The following DENND4C variants were observed in gnomAD, a reference collection of about 807,000 sequenced individuals.
The protein encoded by DENND4C is DENN domain containing 4C, also known as DENN domain-containing protein 4C.
In DENND4C, 108 loss-of-function variants were observed where a neutral mutation model predicts 203.0. The observed-to-expected ratio is 0.53, with a 90% CI of 0.46 to 0.62. The LOEUF (loss-of-function observed/expected upper bound fraction) is 0.62, where lower values mean the gene tolerates loss of function less well. Ranked by LOEUF, DENND4C falls within the 20% of genes least tolerant of loss-of-function variation. The pLI, the probability that DENND4C is intolerant of heterozygous loss-of-function variation, is 0.00. For synonymous variants in DENND4C, 871 were observed against 792.4 expected (o/e 1.10, Z -1.67); for missense variants, 2,481 against 2,301.2 (o/e 1.08, Z -1.60).
At chr9:19,315,499 ATATATACATGTATG>A (rs1041134639) in intron 10 of DENND4C, among the ~76,000 whole-genome samples, 5 of 150,972 alleles carry the variant, frequency 3.3e-5, no homozygotes, top group African/African-American at 1.2e-4. Flanking sequence ...GAATATATAT[ATATATACATGTATG>A]TATATACATG....
intron 1 of DENND4C, among the ~76,000 whole-genome samples, chr9:19,255,260 C>G (rs987105641): frequency 2.0e-5 from 3 of 152,000 alleles, no homozygotes; most frequent in African/African-American, 7.2e-5. Context: ...AAAAAATTAG[C>G]TGGATATGGT....
intron 1 of DENND4C, among the ~76,000 whole-genome samples, chr9:19,251,686 C>G (rs1282437879): frequency 2.0e-5 from 3 of 152,174 alleles, no homozygotes; most frequent in Admixed American, 6.5e-5. Flanking sequence ...CTGCCAGATA[C>G]CCTAAATCAT....
chr9:19,371,900 T>C, intron 32 of DENND4C, 80 bp downstream of exon 32: 1 of 1,299,494 alleles, frequency 7.7e-7, no homozygotes, highest in Admixed American at 2.3e-5. Flanking sequence ...GTAGCTGGTA[T>C]GTATAAAAGA....
At position 19,360,388 on chromosome 9, in the gene DENND4C, A is replaced by G. The variant is rs769615203; in HGVS notation, c.5305A>G (p.Ile1769Val). 2.2e-5 allele frequency: 36 copies of G among 1,613,996 alleles called. No homozygotes were observed. Among genetic ancestry groups the G allele is most frequent in the East Asian group, 6.7e-5 (3 of 44,880 alleles). Residue 1769 changes from isoleucine (I) to valine (V), a missense_variant, in exon 29 of 33, where the codon ATC becomes GTC. By Grantham distance (29) the Ile-to-Val change is conservative (BLOSUM62 3). Coordinates refer to ENST00000434457, the MANE Select transcript of DENND4C (RefSeq NM_001330640.2). ...ATCTTCTTTCATCAATCAACATCCAATCATTTTCTGGAACCTCGTTTGGTA... is the reference window on the plus strand; with the variant it reads ...ATCTTCTTTCATCAATCAACATCCAGTCATTTTCTGGAACCTCGTTTGGTA... Reference protein sequence around the residue: ...HTSSFINQHPIIFWNLVWYFR... With the variant: ...HTSSFINQHPVIFWNLVWYFR...
At chr9:19,308,968 G>C (rs1840229932) in intron 10 of DENND4C, among the ~76,000 whole-genome samples, 1 of 152,144 alleles carries the variant, frequency 6.6e-6, no homozygotes. Flanking sequence ...AAAACATTAT[G>C]TTAAAAGACC....
intron 1 of DENND4C, among the ~76,000 whole-genome samples, chr9:19,245,109 T>C (rs1356446701): frequency 1.3e-5 from 2 of 152,196 alleles, no homozygotes; most frequent in Admixed American, 1.3e-4. Flanking sequence ...ATGGGCAGCT[T>C]AAAAAATATT....
At chr9:19,342,849 ACAT>A in intron 22 of DENND4C, 70 bp downstream of exon 22, 1 of 1,262,984 alleles carries the variant, frequency 7.9e-7, no homozygotes, top group Non-Finnish European at 1.0e-6. Flanking sequence ...GTCTTTAATG[ACAT>A]TAAATTTTTG....
intron 2 of DENND4C, among the ~76,000 whole-genome samples, chr9:19,277,218 T>C (rs952927782): frequency 1.6e-4 from 24 of 152,320 alleles, no homozygotes; most frequent in African/African-American, 5.5e-4. Flanking sequence ...GCTTATCTAT[T>C]TATACAAAAT....
At chr9:19,344,143 C>T (rs1822279208) in intron 22 of DENND4C, among the ~76,000 whole-genome samples, 1 of 152,118 alleles carries the variant, frequency 6.6e-6, no homozygotes, top group Non-Finnish European at 1.5e-5. Context: ...AAAGAAAGAT[C>T]TTATCTAAGA....
chr9:19,369,899 A>G lies in DENND4C; in HGVS notation c.5587A>G (p.Thr1863Ala). The change falls in exon 31 of 33, where the codon ACC (threonine) becomes GCC (alanine). Residue 1863 changes from threonine to alanine, a missense_variant. This residue lies in a region of DENND4C where 2,289 missense variants were observed against 2,113.3 expected (regional missense o/e 1.08). Transcript: ENST00000434457. Reference protein sequence around the residue: ...EQQETSTLVETIRQSIQHNNV... With the variant: ...EQQETSTLVEAIRQSIQHNNV... ...ACAAGAAACAAGCACTTTAGTAGAA[A>G]CCATCAGGCAGAGTATTCAGCACAA... 2.5e-6 allele frequency: 4 copies of G among 1,613,682 alleles called. No individual in the cohort carries two copies. Among genetic ancestry groups the G allele is most frequent in the Non-Finnish European group, 3.4e-6 (4 of 1,179,844 alleles).
chr9:19,350,681 A>AT (rs759780370), intron 23 of DENND4C, 21 bp from the exon 24 acceptor site: 13,780 of 1,229,116 alleles, frequency 0.011, 5 homozygotes, highest in African/African-American at 0.022. Flanking sequence ...TGTATGTGGA[A>AT]TTTTTTTTTT....
intron 1 of DENND4C, among the ~76,000 whole-genome samples, chr9:19,239,405 CTTTATG>C (rs1039443314): frequency 6.6e-6 from 1 of 151,424 alleles, no homozygotes; most frequent in African/African-American, 2.4e-5. Flanking sequence ...TATATAGTAT[CTTTATG>C]TTAATGATCT....
At chr9:19,354,964 C>T (rs375372888) in intron 26 of DENND4C, among the ~76,000 whole-genome samples, 3 of 149,408 alleles carry the variant, frequency 2.0e-5, no homozygotes, top group African/African-American at 2.5e-5. Flanking sequence ...GGCTGGAGTA[C>T]AGTGGCGCAA....
At chr9:19,261,074 C>A (rs1023732523) in intron 1 of DENND4C, among the ~76,000 whole-genome samples, 2 of 152,048 alleles carry the variant, frequency 1.3e-5, no homozygotes, top group Non-Finnish European at 2.9e-5. Flanking sequence ...CCTTCTTCTG[C>A]ATATTGATAT....
intron 16 of DENND4C, 105 bp from the exon 17 acceptor site, chr9:19,331,873 A>G (rs1819291234): frequency 4.8e-6 from 5 of 1,049,746 alleles, no homozygotes; most frequent in Non-Finnish European, 6.8e-6. Flanking sequence ...GCTTGATTTT[A>G]GGGGGTCAAG....
intron 1 of DENND4C, among the ~76,000 whole-genome samples, chr9:19,267,050 T>A (rs979046191): frequency 6.6e-6 from 1 of 152,154 alleles, no homozygotes; most frequent in Admixed American, 6.6e-5. Flanking sequence ...TTCTTGAGGA[T>A]GTTATATATG....
chr9:19,326,839 A>G (rs1367022405), intron 15 of DENND4C, among the ~76,000 whole-genome samples: 1 of 152,048 alleles, frequency 6.6e-6, no homozygotes, highest in Non-Finnish European at 1.5e-5. Flanking sequence ...TGGTCTGAAC[A>G]TTTTCCCATG....
At chr9:19,244,238 C>T (rs1019921817) in intron 1 of DENND4C, among the ~76,000 whole-genome samples, 5 of 152,114 alleles carry the variant, frequency 3.3e-5, no homozygotes, top group Admixed American at 6.5e-5. Flanking sequence ...GCCATGTTAG[C>T]CAGGCTGGTC....
intron 1 of DENND4C, among the ~76,000 whole-genome samples, chr9:19,238,282 A>G (rs1486734011): frequency 1.3e-5 from 2 of 151,574 alleles, no homozygotes; most frequent in South Asian, 2.1e-4. Flanking sequence ...GTGTTTCTCC[A>G]TGTTGGTCAG....
Sources: allele counts gnomAD v4.1 joint callset (sites outside exome capture counted in the v4.1 genomes callset), GRCh38; gene constraint gnomAD v4.1.1; regional missense constraint gnomAD v4.1.1; transcripts MANE v1.5; gene names NCBI Gene and HGNC (gene_info 2026-07-23, HGNC 2026-07-21).